Variants in ARHGEF19 observed in about 807,000 individuals in gnomAD.
The protein encoded by ARHGEF19 is Rho guanine nucleotide exchange factor (GEF) 19.
ARHGEF19 carries 92 observed loss-of-function variants against 87.6 expected under a neutral mutation model. The ratio of observed to expected loss-of-function variants is 1.05; its 90% CI spans 0.89 to 1.25. The LOEUF (loss-of-function observed/expected upper bound fraction) is 1.25, where lower values mean the gene tolerates loss of function less well. Ranked by LOEUF, ARHGEF19 falls within the 50% of genes most tolerant of loss-of-function variation. The probability of loss-of-function intolerance (pLI) is 0.00; values close to 1 mark genes in which losing one functional copy is unlikely to be tolerated. For missense variants in ARHGEF19, 1,054 were observed against 1,051.8 expected, an observed-to-expected ratio of 1.00 and a Z score of -0.03; for synonymous variants, 438 against 446.2, an observed-to-expected ratio of 0.98 and a Z score of 0.23.
At position 16,207,829 on chromosome 1, in the gene ARHGEF19, C is replaced by T. The variant is rs1175784793; in HGVS notation, c.695-52G>A. 4.4e-6 allele frequency: 7 copies of T among 1,598,412 alleles called. No homozygotes were observed. Among genetic ancestry groups the T allele is most frequent in the Non-Finnish European group, 6.0e-6 (7 of 1,173,298 alleles). ...GGGGTCCAGAGAGTGGGCCTGGGGC[C>T]TGGGCCCCGGCCCAGGCACCCTGAC... On this transcript the variant is annotated intron_variant, in intron 3 of 15. Transcript: ENST00000270747. The surrounding 1 kb of genome is among the most constrained non-coding windows in gnomAD (Gnocchi z 4.0).
chr1:16,209,180 G>A (rs986488838), intron 1 of ARHGEF19, 97 bp from the exon 2 acceptor site: 2 of 817,402 alleles, frequency 2.4e-6, no homozygotes, highest in Non-Finnish European at 1.7e-6. Context: ...GTGTACACTT[G>A]TGTACACACA....
At position 16,204,829 on chromosome 1, in the gene ARHGEF19, G is replaced by T; in HGVS notation, c.1837C>A (p.Leu613Met). ...APLPAAPPAK[L>M]KLSSKAVYLH... ...TAGACTGCCTTGCTGGACAGCTTCA[G>T]CTTGGCAGGGGGTGCTGCAGGCAGT... Residue 613 changes from leucine to methionine, a missense_variant, in exon 12 of 16, where the codon CTG (leucine) becomes ATG (methionine). Coordinates refer to ENST00000270747, the MANE Select transcript of ARHGEF19 (RefSeq NM_153213.5). The T allele has an allele frequency of 6.2e-7, 1 of 1,610,660 alleles. No homozygotes were observed. Among genetic ancestry groups the T allele is most frequent in the Non-Finnish European group, 8.5e-7 (1 of 1,178,410 alleles).
intron 1 of ARHGEF19, among the ~76,000 whole-genome samples, chr1:16,212,032 G>A (rs1046451581): frequency 4.0e-5 from 6 of 151,648 alleles, no homozygotes; most frequent in Non-Finnish European, 7.3e-5. Flanking sequence ...CTAAGGGACC[G>A]CACCACCGCC....
In ARHGEF19 at chr1:16,204,839, G is replaced by C. The variant is rs1431836618; in HGVS notation, c.1827C>G (p.Pro609=). 1 of 1,607,608 alleles carries C rather than the reference G, an allele frequency of 6.2e-7. No individual in the cohort carries two copies. The highest frequency in any genetic ancestry group is 8.5e-7 in the Non-Finnish European group (1 of 1,177,054). Residue 609 remains proline, a synonymous_variant, in exon 12 of 16, where the codon CCC becomes CCG. Transcript: ENST00000270747. ...LVELAPLPAA[P]PAKLKLSSKA... Reference sequence around the variant, plus strand: ...TGCTGGACAGCTTCAGCTTGGCAGGGGGTGCTGCAGGCAGTGGTGCCAGCT... The same window carrying C: ...TGCTGGACAGCTTCAGCTTGGCAGGCGGTGCTGCAGGCAGTGGTGCCAGCT...
intron 1 of ARHGEF19, among the ~76,000 whole-genome samples, chr1:16,211,953 C>G (rs2081201663): frequency 6.6e-6 from 1 of 152,216 alleles, no homozygotes; most frequent in South Asian, 2.1e-4. Context: ...TGACACTGAC[C>G]AGCTGTGTGG....
chr1:16,198,772 G>A lies in ARHGEF19; in HGVS notation c.2252-28C>T, dbSNP rs1386141341. ...AGGGACACATAGGCCAAGAACAACAGCATCAAAGGGGTACCAGGGCCAGGC... is the reference window on the plus strand; with the variant it reads ...AGGGACACATAGGCCAAGAACAACAACATCAAAGGGGTACCAGGGCCAGGC... On this transcript the variant is annotated intron_variant, in intron 15 of 15. Coordinates refer to ENST00000270747, the MANE Select transcript of ARHGEF19 (RefSeq NM_153213.5). The surrounding 1 kb of genome is among the most constrained non-coding windows in gnomAD (Gnocchi z 4.1). The A allele has an allele frequency of 6.4e-7, 1 of 1,567,874 alleles. No homozygotes were observed. The highest frequency in any genetic ancestry group is 1.9e-5 in the Admixed American group (1 of 53,432).
rs1221057336 is a variant in ARHGEF19, at chr1:16,209,062, T to C, written c.-8A>G. 1 of 1,463,402 alleles carries C rather than the reference T, an allele frequency of 6.8e-7. No individual in the cohort carries two copies. Among genetic ancestry groups the C allele is most frequent in the African/African-American group, 1.4e-5 (1 of 70,512 alleles). 90.7% of individuals were successfully genotyped at this position (1,463,402 alleles called of 1,614,324 possible). On this transcript the variant is annotated 5_prime_UTR_variant, in exon 2 of 16. Coordinates refer to ENST00000270747, the MANE Select transcript of ARHGEF19 (RefSeq NM_153213.5). Reference sequence around the variant, plus strand: ...AGGTGGCCCACAGTCCATTCCTCTTTTGCTCTGCCACCCACCTGGCCCTGC... The same window carrying C: ...AGGTGGCCCACAGTCCATTCCTCTTCTGCTCTGCCACCCACCTGGCCCTGC...
At chr1:16,212,255 G>A (rs1432879117) in intron 1 of ARHGEF19, among the ~76,000 whole-genome samples, 1 of 152,088 alleles carries the variant, frequency 6.6e-6, no homozygotes, top group East Asian at 1.9e-4. Flanking sequence ...CCCCTCCCGG[G>A]TGCCCCTTGC....
chr1:16,207,273 C>T lies in ARHGEF19; in HGVS notation c.875-63G>A, dbSNP rs142960101. 8.2e-6 allele frequency: 12 copies of T among 1,458,792 alleles called. No individual in the cohort carries two copies. Among genetic ancestry groups the T allele is most frequent in the Admixed American group, 2.6e-5 (1 of 37,962 alleles). 90.4% of individuals were successfully genotyped at this position (1,458,792 alleles called of 1,614,324 possible). ...CGCCAGCCCCTGCCCGGCTTTTCCT[C>T]GGTTCCCTCAAGAGCCCGCGTCACT... On this transcript the variant is annotated intron_variant, in intron 5 of 15. Transcript: ENST00000270747. This position sits in a 1 kb window ranked among gnomAD's most constrained non-coding sequence, Gnocchi z 4.0.
chr1:16,212,118 T>A (rs1306199824), intron 1 of ARHGEF19, among the ~76,000 whole-genome samples: 1 of 152,192 alleles, frequency 6.6e-6, no homozygotes, highest in Non-Finnish European at 1.5e-5. Flanking sequence ...CCGAGGAAAG[T>A]ACCCTTGGTG....
Position 16,206,153 on chromosome 1 carries a change from C to T in ARHGEF19, c.1298+27G>A. ...GCCAACCACTGGCTCCGTCCCCACC[C>T]CGGGCCAGGCCAGACCACTTCTTCA... On this transcript the variant is annotated intron_variant, in intron 7 of 15. Coordinates refer to ENST00000270747, the MANE Select transcript of ARHGEF19 (RefSeq NM_153213.5). The surrounding 1 kb of genome is among the most constrained non-coding windows in gnomAD (Gnocchi z 4.6). 1.3e-6 allele frequency: 2 copies of T among 1,586,566 alleles called. No homozygotes were observed. The highest frequency in any genetic ancestry group is 1.1e-5 in the South Asian group (1 of 87,258).
In ARHGEF19 at chr1:16,205,620, G is replaced by T; in HGVS notation, c.1499C>A (p.Ser500Tyr). 7 of 1,613,734 alleles carry T rather than the reference G, an allele frequency of 4.3e-6. No individual in the cohort carries two copies. Among genetic ancestry groups the T allele is most frequent in the Non-Finnish European group, 5.9e-6 (7 of 1,179,860 alleles). The change falls in exon 9 of 16, where the codon TCT becomes TAT. Residue 500 changes from serine (S) to tyrosine (Y), a missense_variant. Coordinates refer to ENST00000270747, the MANE Select transcript of ARHGEF19 (RefSeq NM_153213.5). This position sits in a 1 kb window ranked among gnomAD's most constrained non-coding sequence, Gnocchi z 5.8. ...AAGGGGCAGACGCTGGCACACAGGA[G>T]ACTCCTCCAGGCGAGCCAGGATGCC... Reference protein sequence around the residue: ...FPGILARLEESPVCQRLPLTS... With the variant: ...FPGILARLEEYPVCQRLPLTS...
At chr1:16,209,129 G>T in intron 1 of ARHGEF19, 46 bp from the exon 2 acceptor site, 2 of 1,360,568 alleles carry the variant, frequency 1.5e-6, no homozygotes, top group Non-Finnish European at 1.9e-6. Flanking sequence ...CAGTGGGGCT[G>T]GCCAGTAAGC....
Position 16,204,763 on chromosome 1 carries a change from TCCG to T in ARHGEF19, c.1900_1902del (p.Arg634del). 11 of 1,595,204 alleles carry T rather than the reference TCCG, an allele frequency of 6.9e-6. No homozygotes were observed. The highest frequency in any genetic ancestry group is 9.4e-6 in the Non-Finnish European group (11 of 1,167,418). On this transcript the variant is annotated inframe_deletion, in exon 12 of 16. Transcript: ENST00000270747. ...CCCCTGACTGCCCCGACTCACTCCTTCCGCCGAGAGAGCAGCAAGCAGTCATTG... is the reference window on the plus strand; with the variant it reads ...CCCCTGACTGCCCCGACTCACTCCTTCCGAGAGAGCAGCAAGCAGTCATTG...
At position 16,202,481 on chromosome 1, in the gene ARHGEF19, C is replaced by T; in HGVS notation, c.2001G>A (p.Val667=). 1 of 1,614,196 alleles carries T rather than the reference C, an allele frequency of 6.2e-7. No homozygotes were observed. The highest frequency in any genetic ancestry group is 8.5e-7 in the Non-Finnish European group (1 of 1,180,036). Residue 667 remains valine, a synonymous_variant, in exon 13 of 16, where the codon GTG becomes GTA. Coordinates refer to ENST00000270747, the MANE Select transcript of ARHGEF19 (RefSeq NM_153213.5). ...GCCCGTGGAGGAGCTGGAGGAGGAA[C>T]ACGTGGCCGGGGATGCCCTGCAGCT... The part of the protein sequence containing the change: ...SLKLQGIPGH[V]FLLQLLHGQH...
chr1:16,205,163 C>T lies in ARHGEF19; in HGVS notation c.1670G>A (p.Cys557Tyr), dbSNP rs770272660. ...FNALKELVQE[C>Y]NASVQSMKRT... ...CTTCATGGACTGTACACTAGCATTGCACTCCTGCACCAGCTGGGGGAGCCG... is the reference window on the plus strand; with the variant it reads ...CTTCATGGACTGTACACTAGCATTGTACTCCTGCACCAGCTGGGGGAGCCG... The change falls in exon 11 of 16, where the codon TGC becomes TAC. Residue 557 changes from cysteine to tyrosine, a missense_variant. Coordinates refer to ENST00000270747, the MANE Select transcript of ARHGEF19 (RefSeq NM_153213.5). This position sits in a 1 kb window ranked among gnomAD's most constrained non-coding sequence, Gnocchi z 5.8. The T allele has an allele frequency of 1.9e-6, 3 of 1,599,404 alleles. No individual in the cohort carries two copies. Among genetic ancestry groups the T allele is most frequent in the African/African-American group, 1.3e-5 (1 of 74,856 alleles).
Position 16,199,314 on chromosome 1 carries a change from G to C in ARHGEF19, c.2147-60C>G, listed in dbSNP as rs991773029. 1.0e-5 allele frequency: 15 copies of C among 1,459,644 alleles called. No individual in the cohort carries two copies. The East Asian group carries it at 3.2e-4, about 31-fold the overall frequency. 90.4% of individuals were successfully genotyped at this position (1,459,644 alleles called of 1,614,324 possible). A position where few individuals can be genotyped will look rare whatever the true frequency, so the allele number is the denominator to read the frequency against. On this transcript the variant is annotated intron_variant, in intron 14 of 15. Coordinates refer to ENST00000270747, the MANE Select transcript of ARHGEF19 (RefSeq NM_153213.5). ...GGCAGGATGGCAGGGGGAGGAGCAT[G>C]GGTAGGGCAGGGAGGGGCAGTAGGA...
intron 1 of ARHGEF19, among the ~76,000 whole-genome samples, chr1:16,210,958 C>T (rs2081191779): frequency 6.6e-6 from 1 of 152,116 alleles, no homozygotes. Flanking sequence ...TTCTCAACTG[C>T]TTCCCCCTGC....
chr1:16,211,642 C>A (rs1262245494), intron 1 of ARHGEF19, among the ~76,000 whole-genome samples: 1 of 152,148 alleles, frequency 6.6e-6, no homozygotes, highest in East Asian at 1.9e-4. Context: ...TATGCTCAAG[C>A]CAAGGGGTAA....
Sources: allele counts gnomAD v4.1 joint callset (sites outside exome capture counted in the v4.1 genomes callset), GRCh38; gene constraint gnomAD v4.1.1; non-coding constraint Gnocchi (gnomAD v3.1); transcripts MANE v1.5; gene names NCBI Gene and HGNC (gene_info 2026-07-23, HGNC 2026-07-21).